PRKCH: variants seen among roughly 807,000 people sequenced by gnomAD.
PRKCH encodes the protein protein kinase C eta type.
In PRKCH, 28 loss-of-function variants were observed where a neutral mutation model predicts 82.5. The ratio of observed to expected loss-of-function variants is 0.34; its 90% confidence interval spans 0.25 to 0.47. The LOEUF is 0.47. Among genes scored for constraint, PRKCH ranks in the 20% least tolerant of loss-of-function variants. The pLI is 1.00. For missense variants in PRKCH, 705 were observed against 881.8 expected, an observed-to-expected ratio of 0.80 and a Z score of 2.54; for synonymous variants, 322 against 327.4, an observed-to-expected ratio of 0.98 and a Z score of 0.18.
intron 9 of PRKCH, among the ~76,000 whole-genome samples, chr14:61,474,050 A>C (rs1187327700): frequency 6.6e-6 from 1 of 152,112 alleles, no homozygotes; most frequent in Non-Finnish European, 1.5e-5. Flanking sequence ...AGAAGAGAGG[A>C]GACTTGAAGA....
At chr14:61,203,457 G>A (rs1162543697) in intron 1 of PRKCH, among the ~76,000 whole-genome samples, 1 of 152,052 alleles carries the variant, frequency 6.6e-6, no homozygotes, top group Non-Finnish European at 1.5e-5. Flanking sequence ...GGCTTGGGGG[G>A]TACTCAAATG....
chr14:61,214,400 A>G (rs1212611032), intron 1 of PRKCH, among the ~76,000 whole-genome samples: 2 of 152,130 alleles, frequency 1.3e-5, no homozygotes, highest in Non-Finnish European at 1.5e-5. Context: ...CTGTCATTCT[A>G]TAATTTGAAG....
chr14:61,502,740 T>C (rs904285809), intron 10 of PRKCH, among the ~76,000 whole-genome samples: 19 of 152,082 alleles, frequency 1.2e-4, no homozygotes, highest in Non-Finnish European at 2.1e-4. Flanking sequence ...TAAGAACAGA[T>C]GGGAGCAGCC....
intron 1 of PRKCH, chr14:61,390,674 CA>C (rs950864010): frequency 1.0e-4 from 15 of 149,478 alleles, no homozygotes; most frequent in Non-Finnish European, 2.1e-4. Flanking sequence ...CTCTCTCTCT[CA>C]AAAAAAAAAG....
At chr14:61,531,135 T>G (rs1301469882) in intron 12 of PRKCH, among the ~76,000 whole-genome samples, 1 of 152,224 alleles carries the variant, frequency 6.6e-6, no homozygotes, top group Admixed American at 6.5e-5. Context: ...GGTGCAATGT[T>G]GTAATGGATC....
intron 10 of PRKCH, among the ~76,000 whole-genome samples, chr14:61,518,197 C>T (rs1217611919): frequency 6.6e-6 from 1 of 152,154 alleles, no homozygotes; most frequent in African/African-American, 2.4e-5. Flanking sequence ...TCTGTTGTCT[C>T]CTGGTGTCTT....
intron 10 of PRKCH, among the ~76,000 whole-genome samples, chr14:61,486,692 T>C (rs1886241616): frequency 6.6e-6 from 1 of 152,020 alleles, no homozygotes; most frequent in Non-Finnish European, 1.5e-5. Context: ...TTCTTTTTTT[T>C]TTTTTAAGAC....
At chr14:61,189,417 G>C (rs966070652) in intron 1 of PRKCH, among the ~76,000 whole-genome samples, 1 of 152,126 alleles carries the variant, frequency 6.6e-6, no homozygotes, top group African/African-American at 2.4e-5. Flanking sequence ...TCCCCTTCTC[G>C]GAGTTGTCTC....
chr14:61,501,316 G>A lies in PRKCH; in HGVS notation c.1433+15660G>A, dbSNP rs576983372. 3.3e-5 allele frequency among the ~76,000 whole-genome samples: 5 copies of A among 152,074 alleles called. No individual in the cohort carries two copies. In the South Asian group the frequency reaches 8.3e-4, roughly 25 times the overall value. ...TGTTGAATAAATTATGGTTATACCC[G>A]TACTGTGGAATATTATGCAACAATT... On this transcript the variant is annotated intron_variant, in intron 10 of 13. Coordinates refer to ENST00000332981, the MANE Select transcript of PRKCH (RefSeq NM_006255.5).
intron 1 of PRKCH, among the ~76,000 whole-genome samples, chr14:61,353,247 A>G (rs2046105470): frequency 6.6e-6 from 1 of 152,204 alleles, no homozygotes; most frequent in South Asian, 2.1e-4. Context: ...GGGTGGAATT[A>G]TGGGGGACTT....
At chr14:61,228,857 A>G (rs1489210951) in intron 1 of PRKCH, among the ~76,000 whole-genome samples, 1 of 152,014 alleles carries the variant, frequency 6.6e-6, no homozygotes, top group Admixed American at 6.5e-5. Flanking sequence ...CCGGGGCAAC[A>G]TAGTGAGATC....
intron 2 of PRKCH, among the ~76,000 whole-genome samples, chr14:61,438,876 A>G (rs1883807325): frequency 6.6e-6 from 1 of 152,228 alleles, no homozygotes; most frequent in Non-Finnish European, 1.5e-5. Context: ...AATCTTCATT[A>G]TATTTGACAT....
intron 1 of PRKCH, among the ~76,000 whole-genome samples, chr14:61,257,610 C>G (rs1358143968): frequency 8.0e-5 from 4 of 50,202 alleles, no homozygotes; most frequent in Non-Finnish European, 1.4e-4. Context: ...CACAGACACA[C>G]ACACACACAC....
chr14:61,262,004 G>C (rs1391644508), intron 1 of PRKCH, among the ~76,000 whole-genome samples: 1 of 151,900 alleles, frequency 6.6e-6, no homozygotes, highest in Admixed American at 6.6e-5. Context: ...GGCAAATCAC[G>C]AGGTCAGGAG....
intron 1 of PRKCH, among the ~76,000 whole-genome samples, chr14:61,194,424 A>T (rs1055443726): frequency 1.7e-4 from 26 of 152,318 alleles, no homozygotes; most frequent in African/African-American, 6.0e-4. Flanking sequence ...TAACGCTCTT[A>T]TAAAAGAGAC....
At chr14:61,321,516 GGCCGCGGACC>G (rs1181590881), upstream of PRKCH, among the ~76,000 whole-genome samples, 4 of 152,198 alleles carry the variant, frequency 2.6e-5, no homozygotes, top group African/African-American at 9.6e-5. This position sits in a 1 kb window ranked among gnomAD's most constrained non-coding sequence, Gnocchi z 4.1. Flanking sequence ...CGCAGGGCCG[GGCCGCGGACC>G]GCGGGCCACG....
chr14:61,356,882 A>G lies in PRKCH; in HGVS notation c.364-34343A>G, dbSNP rs535137275. On this transcript the variant is annotated intron_variant, in intron 1 of 13. Transcript: ENST00000332981. ...TTTTTAGTTGAGACAGGGTTTCGCC[A>G]TGTTGGCCAGGCTTGTCTCGAACTC... Among the ~76,000 whole-genome samples the G allele has an allele frequency of 3.9e-5, 6 of 152,156 alleles. No individual in the cohort carries two copies. The South Asian group carries it at 1.0e-3, about 26-fold the overall frequency.
At chr14:61,398,307 AG>A (rs2046814683) in intron 2 of PRKCH, among the ~76,000 whole-genome samples, 1 of 152,214 alleles carries the variant, frequency 6.6e-6, no homozygotes, top group South Asian at 2.1e-4. Context: ...AGCAAAAAAA[AG>A]AATAGATTGA....
chr14:61,314,925 A>C (rs562848901), intron 1 of PRKCH, among the ~76,000 whole-genome samples: 25 of 152,170 alleles, frequency 1.6e-4, no homozygotes, highest in African/African-American at 5.5e-4. Context: ...GTCATTGAAG[A>C]TCTTTCCTTT....
Sources: gnomAD v4.1 joint callset for allele counts (sites outside exome capture counted in the v4.1 genomes callset) on GRCh38, gnomAD v4.1.1 for gene constraint, Gnocchi (gnomAD v3.1) non-coding constraint, MANE v1.5 for transcripts, NCBI Gene and HGNC (gene_info 2026-07-23, HGNC 2026-07-21) for gene names.